Variants in ZNF808 observed in about 807,000 individuals in gnomAD.
ZNF808 encodes the protein zinc finger protein 808.
In ZNF808, 5 loss-of-function variants were observed where a neutral mutation model predicts 8.7. The observed-to-expected ratio is 0.58, with a 90% CI of 0.30 to 1.21. The LOEUF (loss-of-function observed/expected upper bound fraction) is 1.21, where lower values mean the gene tolerates loss of function less well. Among genes scored for constraint, ZNF808 ranks in the 50% most tolerant of loss-of-function variants. The pLI is 0.07. For synonymous variants in ZNF808, 380 were observed against 366.0 expected, an observed-to-expected ratio of 1.04 and a Z score of -0.44; for missense variants, 1,103 against 1,098.4, an observed-to-expected ratio of 1.00 and a Z score of -0.06.
intron 2 of ZNF808, among the ~76,000 whole-genome samples, chr19:52,539,184 A>ATTTTTTTTTTT (rs3049209): frequency 8.5e-6 from 1 of 117,754 alleles, no homozygotes; most frequent in African/African-American, 3.1e-5. Flanking sequence ...TCTTCATTTC[A>ATTTTTTTTTTT]TTTTTTTTTT....
intron 2 of ZNF808, 98 bp from the exon 3 acceptor site, chr19:52,543,168 T>A: frequency 7.7e-7 from 1 of 1,302,834 alleles, no homozygotes; most frequent in Non-Finnish European, 1.1e-6. Context: ...AGTGGGGGAC[T>A]TCTTTCTACA....
At chr19:52,543,957 G>C (rs1161083417) in intron 3 of ZNF808, among the ~76,000 whole-genome samples, 1 of 151,914 alleles carries the variant, frequency 6.6e-6, no homozygotes, top group African/African-American at 2.4e-5. Context: ...TCAGGACTTA[G>C]AGACCAGCCT....
intron 2 of ZNF808, among the ~76,000 whole-genome samples, chr19:52,540,499 T>C (rs2059660329): frequency 6.6e-6 from 1 of 152,222 alleles, no homozygotes; most frequent in Non-Finnish European, 1.5e-5. Context: ...TATATGTTGT[T>C]AGGTTGTTTC....
chr19:52,554,647 TCAA>T lies in ZNF808; in HGVS notation c.1735_1737del (p.Gln579del). On this transcript the variant is annotated inframe_deletion, in exon 5 of 5. Coordinates refer to ENST00000359798, the MANE Select transcript of ZNF808 (RefSeq NM_001039886.4). ...GTAATGAATGTGGGAAAGCTTTTAA[TCAA>T]CAATCACATCTTTCACGTCATCGTA... 1 of 1,614,072 alleles carries T rather than the reference TCAA, an allele frequency of 6.2e-7. No homozygotes were observed. The highest frequency in any genetic ancestry group is 8.5e-7 in the Non-Finnish European group (1 of 1,179,998).
At position 52,562,515 on chromosome 19, in the gene ZNF808, A is replaced by G. The variant is rs2059861291; in HGVS notation, c.*423-803A>G. Reference sequence around the variant, plus strand: ...CAATTGGAGAATAAGAACTCTGAACATGGCTTTTGGCCAATATGAACACTC... The same window carrying G: ...CAATTGGAGAATAAGAACTCTGAACGTGGCTTTTGGCCAATATGAACACTC... On this transcript the variant is annotated intron_variant and NMD_transcript_variant, in intron 3 of 3. Coordinates refer to the ZNF808 transcript ENST00000487863. Among the ~76,000 whole-genome samples, 5 of 152,220 alleles carry G rather than the reference A, an allele frequency of 3.3e-5. No individual in the cohort carries two copies. The South Asian group carries it at 6.2e-4, about 19-fold the overall frequency.
downstream of ZNF808, among the ~76,000 whole-genome samples, chr19:52,561,188 CTCTCTCTCTCTCTCTCTCTCTCTCTATA>C (rs1290239134): frequency 1.5e-3 from 116 of 76,720 alleles, 2 homozygotes; most frequent in Middle Eastern, 6.7e-3. Flanking sequence ...CTCTCTCTCT[CTCTCTCTCTCTCTCTCTCTCTCTCTATA>C]TATATATATA....
chr19:52,561,699 C>T (rs1264469557), intron 3 of ZNF808, among the ~76,000 whole-genome samples: 1 of 152,006 alleles, frequency 6.6e-6, no homozygotes, highest in South Asian at 2.1e-4. Flanking sequence ...AGGCGTGTAC[C>T]ACCACACCCA....
At chr19:52,561,897 G>A (rs541965938) in intron 3 of ZNF808, among the ~76,000 whole-genome samples, 41 of 152,286 alleles carry the variant, frequency 2.7e-4, no homozygotes, top group African/African-American at 8.7e-4. Context: ...TTCACATATT[G>A]CAGGTTTTAT....
downstream of ZNF808, among the ~76,000 whole-genome samples, chr19:52,561,206 CT>C (rs2059856643): frequency 8.5e-5 from 3 of 35,340 alleles, no homozygotes; most frequent in East Asian, 1.7e-3. Flanking sequence ...CTCTCTCTCT[CT>C]CTCTCTATAT....
intron 1 of ZNF808, among the ~76,000 whole-genome samples, chr19:52,531,533 C>T (rs951976341): frequency 1.1e-4 from 16 of 149,844 alleles, no homozygotes; most frequent in African/African-American, 2.7e-4. Flanking sequence ...GACGTATTCA[C>T]GTGTAGTCAA....
At chr19:52,564,241 C>G in exon 4 of ZNF808, 1 of 919,212 alleles carries the variant, frequency 1.1e-6, no homozygotes, top group Admixed American at 1.8e-5. Flanking sequence ...AGGAATTGCA[C>G]GTGAGATGGC....
chr19:52,558,560 C>T (rs1176241241), downstream of ZNF808, among the ~76,000 whole-genome samples: 6 of 149,796 alleles, frequency 4.0e-5, no homozygotes, highest in Non-Finnish European at 7.4e-5. Flanking sequence ...TTAGTAGAGA[C>T]AGAGTTTCAC....
downstream of ZNF808, among the ~76,000 whole-genome samples, chr19:52,558,351 C>T (rs1308172403): frequency 2.0e-5 from 3 of 150,024 alleles, no homozygotes; most frequent in African/African-American, 7.4e-5. Context: ...CGTGAGCCAC[C>T]GCGCCCGGCA....
At chr19:52,541,571 AGAGT>A (rs1016097489) in intron 2 of ZNF808, among the ~76,000 whole-genome samples, 20 of 152,114 alleles carry the variant, frequency 1.3e-4, no homozygotes, top group African/African-American at 4.8e-4. Context: ...AAGCTCAGTC[AGAGT>A]GACACTGACC....
intron 2 of ZNF808, among the ~76,000 whole-genome samples, chr19:52,537,212 T>C (rs1461153835): frequency 6.7e-6 from 1 of 148,450 alleles, no homozygotes; most frequent in African/African-American, 2.5e-5. Context: ...AAATAAGTTG[T>C]GAGGATGGAG....
chr19:52,532,377 C>T (rs1460244546), intron 1 of ZNF808, among the ~76,000 whole-genome samples: 2 of 152,066 alleles, frequency 1.3e-5, no homozygotes, highest in Non-Finnish European at 1.5e-5. Context: ...AGGTGACCGC[C>T]ACCACGCCTG....
At chr19:52,542,453 TCC>T (rs1359247584) in intron 2 of ZNF808, among the ~76,000 whole-genome samples, 10 of 130,982 alleles carry the variant, frequency 7.6e-5, no homozygotes, top group Admixed American at 6.6e-4. Context: ...AGGATGCTCT[TCC>T]CCTCAGCTGC....
Position 52,554,820 on chromosome 19 carries a change from A to G in ZNF808, c.1904A>G (p.Asn635Ser). 1.2e-6 allele frequency: 2 copies of G among 1,614,138 alleles called. No homozygotes were observed. The highest frequency in any genetic ancestry group is 1.7e-6 in the Non-Finnish European group (2 of 1,180,002). Residue 635 changes from asparagine (N) to serine (S), a missense_variant, in exon 5 of 5, where the codon AAT becomes AGT. By Grantham distance (46) the Asn-to-Ser change is conservative. Coordinates refer to ENST00000359798, the MANE Select transcript of ZNF808 (RefSeq NM_001039886.4). ...CQVCDTAFTW[N>S]SQLARHTRIH... ...GTTTGTGACACAGCTTTCACGTGGA[A>G]TTCACAGCTGGCACGACATACAAGA... is the stretch of plus-strand genomic sequence containing the variant.
At chr19:52,564,065 C>A in exon 4 of ZNF808, 2 of 625,126 alleles carry the variant, frequency 3.2e-6, no homozygotes, top group South Asian at 2.9e-5. Flanking sequence ...TGCTTGACTC[C>A]ACTTCTTGTC....
Sources: allele counts gnomAD v4.1 joint callset (sites outside exome capture counted in the v4.1 genomes callset), GRCh38; gene constraint gnomAD v4.1.1; transcripts MANE v1.5; gene names NCBI Gene and HGNC (gene_info 2026-07-23, HGNC 2026-07-21).